The following LPAR1 variants were observed in gnomAD, a reference collection of about 807,000 sequenced individuals.
The protein encoded by LPAR1 is LPA receptor 1.
In LPAR1, 5 loss-of-function variants were observed where a neutral mutation model predicts 23.8. The observed-to-expected ratio is 0.21, with a 90% CI of 0.11 to 0.44. LPAR1 has a LOEUF of 0.44. LPAR1 is among the 20% of genes least tolerant of loss of function. The pLI is 0.99. For missense variants in LPAR1, 311 were observed against 482.8 expected, an observed-to-expected ratio of 0.64 and a Z score of 3.33; for synonymous variants, 160 against 164.7, an observed-to-expected ratio of 0.97 and a Z score of 0.22.
chr9:110,900,825 A>G (rs945424210), intron 5 of LPAR1, among the ~76,000 whole-genome samples: 29 of 152,234 alleles, frequency 1.9e-4, no homozygotes, highest in Non-Finnish European at 2.9e-5. Flanking sequence ...AAGTGAAGGT[A>G]GTATTTGGCT....
In LPAR1 at chr9:111,038,238, G is replaced by A. The variant is rs772442863; in HGVS notation, c.-333C>T. ...GGCTTCAGGCCGCGCGCCCAGTCCC[G>A]GCGGCCCCCGCCCCACCGCCAGCCG... On this transcript the variant is annotated 5_prime_UTR_variant, in exon 1 of 6. Transcript: ENST00000683809. This position sits in a 1 kb window ranked among gnomAD's most constrained non-coding sequence, Gnocchi z 4.4. The A allele has an allele frequency of 9.2e-3, 1,366 of 148,464 alleles. 10 individuals carry two copies. Among genetic ancestry groups the A allele is most frequent in the Non-Finnish European group, 0.015 (987 of 66,512 alleles). 9.2% of individuals were successfully genotyped at this position (148,464 alleles called of 1,614,324 possible).
rs926953995 is a variant in LPAR1 at position 110,952,164 on chromosome 9, G to A, written c.46-9996C>T. ...GAAACACCTAAGGCAAGGAAGAAGA[G>A]GGAAGCAAGGCAGCCTGCTGTTCTG... is the stretch of plus-strand genomic sequence containing the variant. On this transcript the variant is annotated intron_variant, in intron 4 of 5. Transcript: ENST00000683809. 3.3e-5 allele frequency among the ~76,000 whole-genome samples: 5 copies of A among 152,260 alleles called. No homozygotes were observed. In the East Asian group the frequency reaches 7.7e-4, roughly 24 times the overall value.
At chr9:111,022,267 G>A (rs2097573917) in intron 2 of LPAR1, among the ~76,000 whole-genome samples, 1 of 152,132 alleles carries the variant, frequency 6.6e-6, no homozygotes, top group Non-Finnish European at 1.5e-5. Flanking sequence ...AATGATTCTT[G>A]CAAACTGATT....
chr9:110,914,964 A>G (rs897707682), intron 5 of LPAR1, among the ~76,000 whole-genome samples: 1 of 151,848 alleles, frequency 6.6e-6, no homozygotes, highest in African/African-American at 2.4e-5. Flanking sequence ...AGATTTCGCA[A>G]GTTAAAAAAA....
intron 5 of LPAR1, among the ~76,000 whole-genome samples, chr9:110,878,598 A>G (rs1165832706): frequency 6.6e-6 from 1 of 152,206 alleles, no homozygotes; most frequent in Non-Finnish European, 1.5e-5. Context: ...TGAAAGGTTG[A>G]TAAGAGTTAA....
intron 2 of LPAR1, among the ~76,000 whole-genome samples, chr9:110,994,415 A>G (rs1005388731): frequency 5.3e-5 from 8 of 152,202 alleles, no homozygotes; most frequent in African/African-American, 1.7e-4. Flanking sequence ...GAAAATTTCA[A>G]TGGGATCTGA....
chr9:110,965,140 T>C (rs375075858), intron 4 of LPAR1, among the ~76,000 whole-genome samples: 243 of 152,196 alleles, frequency 1.6e-3, no homozygotes, highest in Non-Finnish European at 2.1e-3. Context: ...AGTGCTGGGA[T>C]TATAGGTGTG....
intron 5 of LPAR1, among the ~76,000 whole-genome samples, chr9:110,885,344 T>A (rs571555645): frequency 6.6e-6 from 1 of 152,296 alleles, no homozygotes; most frequent in East Asian, 1.9e-4. Context: ...GAAGACAGTA[T>A]AAAGAACTGC....
intron 5 of LPAR1, among the ~76,000 whole-genome samples, chr9:110,912,035 A>C (rs1157573272): frequency 6.6e-6 from 1 of 152,176 alleles, no homozygotes; most frequent in African/African-American, 2.4e-5. Context: ...GGGTGATAGG[A>C]AGTGAAGGTA....
chr9:111,025,890 T>C (rs1218443976), intron 2 of LPAR1, among the ~76,000 whole-genome samples: 3 of 152,222 alleles, frequency 2.0e-5, no homozygotes, highest in Non-Finnish European at 4.4e-5. Flanking sequence ...GCCTCTGTTA[T>C]GTTCCATTGG....
Position 110,972,073 on chromosome 9 carries a change from C to A in LPAR1, c.45G>T (p.Gln15His). The A allele has an allele frequency of 6.2e-7, 1 of 1,613,760 alleles. No individual in the cohort carries two copies. The highest frequency in any genetic ancestry group is 1.1e-5 in the South Asian group (1 of 91,066). ...STSIPVISQP[Q>H]FTAMNEPQCF... ...ACCTCTGCTAGTTTGAAGCCCTTACCTGGGGCTGTGAAATTACAGGGATGG... is the reference window on the plus strand; with the variant it reads ...ACCTCTGCTAGTTTGAAGCCCTTACATGGGGCTGTGAAATTACAGGGATGG... Residue 15 changes from glutamine to histidine, a missense_variant and splice_region_variant, in exon 4 of 6, where the codon CAG becomes CAT. Transcript: ENST00000683809.
rs1441560761 is a variant in LPAR1 at position 111,010,191 on chromosome 9, C to T, written c.-182+25931G>A. 2.0e-5 allele frequency among the ~76,000 whole-genome samples: 3 copies of T among 151,902 alleles called. No individual in the cohort carries two copies. The East Asian group carries it at 5.8e-4, about 29-fold the overall frequency. ...AGAGACTTACAATGTGACAGGAAAGCACTGCCTTTAAATGTTAAAATTTTA... is the reference window on the plus strand; with the variant it reads ...AGAGACTTACAATGTGACAGGAAAGTACTGCCTTTAAATGTTAAAATTTTA... On this transcript the variant is annotated intron_variant, in intron 2 of 5. Transcript: ENST00000683809.
chr9:110,972,094 G>A lies in LPAR1; in HGVS notation c.24C>T (p.Ile8=), dbSNP rs1461939223. The change falls in exon 4 of 6, where the codon ATC becomes ATT. Residue 8 remains isoleucine, a synonymous_variant. Transcript: ENST00000683809. MAAISTS[I]PVISQPQFTA... ...TTACCTGGGGCTGTGAAATTACAGG[G>A]ATGGAAGTAGAGATGGCAGCCATGA... is the stretch of plus-strand genomic sequence containing the variant. 2 of 1,613,960 alleles carry A rather than the reference G, an allele frequency of 1.2e-6. No homozygotes were observed. Among genetic ancestry groups the A allele is most frequent in the Non-Finnish European group, 1.7e-6 (2 of 1,179,870 alleles).
intron 5 of LPAR1, among the ~76,000 whole-genome samples, chr9:110,921,252 T>A (rs1000851547): frequency 6.6e-6 from 1 of 152,150 alleles, no homozygotes; most frequent in Non-Finnish European, 1.5e-5. Context: ...CCAGTATAGG[T>A]GACAGAGCAA....
At chr9:110,995,784 T>C (rs1231587038) in intron 2 of LPAR1, among the ~76,000 whole-genome samples, 2 of 152,206 alleles carry the variant, frequency 1.3e-5, no homozygotes, top group African/African-American at 4.8e-5. Context: ...CTTTTCTCTG[T>C]TCACAATGAT....
chr9:111,007,248 C>T (rs150231128), intron 2 of LPAR1, among the ~76,000 whole-genome samples: 76 of 152,170 alleles, frequency 5.0e-4, no homozygotes, highest in African/African-American at 1.6e-3. Flanking sequence ...TATAAATTAC[C>T]CAGTCTTAGG....
At chr9:110,993,331 T>C (rs2096933146) in intron 2 of LPAR1, among the ~76,000 whole-genome samples, 1 of 152,194 alleles carries the variant, frequency 6.6e-6, no homozygotes, top group Non-Finnish European at 1.5e-5. Flanking sequence ...TGTGTCCATG[T>C]GTTCTCATAC....
intron 2 of LPAR1, among the ~76,000 whole-genome samples, chr9:111,028,867 T>A (rs150843457): frequency 6.6e-6 from 1 of 152,168 alleles, no homozygotes; most frequent in East Asian, 1.9e-4. Flanking sequence ...TATCTGCAAC[T>A]TCCCCCAGAC....
At chr9:111,000,973 C>T (rs530875847) in intron 2 of LPAR1, among the ~76,000 whole-genome samples, 43 of 144,638 alleles carry the variant, frequency 3.0e-4, no homozygotes, top group Non-Finnish European at 5.1e-4. Flanking sequence ...TCATAATAAC[C>T]CCTTTTGTTC....
Sources: gnomAD v4.1 joint callset for allele counts (sites outside exome capture counted in the v4.1 genomes callset) on GRCh38, gnomAD v4.1.1 for gene constraint, Gnocchi (gnomAD v3.1) non-coding constraint, MANE v1.5 for transcripts, NCBI Gene and HGNC (gene_info 2026-07-23, HGNC 2026-07-21) for gene names.